The following PTPRQ variants were observed in gnomAD, a reference collection of about 807,000 sequenced individuals.
The protein encoded by PTPRQ is phosphatidylinositol phosphatase PTPRQ.
Under a neutral mutation model 246.0 loss-of-function variants are expected in PTPRQ, and 199 were observed. The observed-to-expected ratio is 0.81, with a 90% CI of 0.72 to 0.91. The LOEUF (loss-of-function observed/expected upper bound fraction) is 0.91. Among genes scored for constraint, PTPRQ ranks in the 40% least tolerant of loss-of-function variants. PTPRQ has a pLI of 0.00. For synonymous variants in PTPRQ, 869 were observed against 853.2 expected, an observed-to-expected ratio of 1.02 and a Z score of -0.32; for missense variants, 2,624 against 2,528.4, an observed-to-expected ratio of 1.04 and a Z score of -0.81.
chr12:80,477,434 T>C (rs1362991894), intron 8 of PTPRQ, among the ~76,000 whole-genome samples: 1 of 152,228 alleles, frequency 6.6e-6, no homozygotes, highest in Admixed American at 6.5e-5. Flanking sequence ...ATTAATTAAT[T>C]TGTTTCAAAC....
chr12:80,531,597 G>A (rs532565394), intron 17 of PTPRQ, among the ~76,000 whole-genome samples: 42 of 152,248 alleles, frequency 2.8e-4, no homozygotes, highest in African/African-American at 1.0e-3. Context: ...CAGCTACTAG[G>A]AAAATGGAGT....
intron 43 of PTPRQ, among the ~76,000 whole-genome samples, chr12:80,678,208 A>G (rs908343075): frequency 1.3e-5 from 2 of 152,234 alleles, no homozygotes; most frequent in African/African-American, 4.8e-5. Context: ...ACAGATTTCA[A>G]AAGTAAATTT....
chr12:80,652,640 T>C, intron 37 of PTPRQ, 104 bp from the exon 38 acceptor site: 1 of 1,212,118 alleles, frequency 8.3e-7, no homozygotes, highest in Non-Finnish European at 1.1e-6. Context: ...GTTTTTAATT[T>C]AAAAATTAAA....
At chr12:80,590,251 G>C (rs1446261801) in intron 26 of PTPRQ, among the ~76,000 whole-genome samples, 1 of 151,984 alleles carries the variant, frequency 6.6e-6, no homozygotes, top group Non-Finnish European at 1.5e-5. Flanking sequence ...TCCTCCATTT[G>C]CATTACTATT....
chr12:80,652,167 C>T (rs1359774877), intron 37 of PTPRQ, among the ~76,000 whole-genome samples: 1 of 152,004 alleles, frequency 6.6e-6, no homozygotes, highest in Non-Finnish European at 1.5e-5. Context: ...TAGATAATAT[C>T]ATAAATTTTC....
chr12:80,573,190 T>TA (rs1367965028), intron 25 of PTPRQ, among the ~76,000 whole-genome samples: 1 of 152,164 alleles, frequency 6.6e-6, no homozygotes, highest in Non-Finnish European at 1.5e-5. Context: ...ACTTTCTTTT[T>TA]AAAAAATTTT....
Position 80,605,154 on chromosome 12 carries a change from A to G in PTPRQ, c.4705A>G (p.Thr1569Ala), listed in dbSNP as rs1898269788. Reference protein sequence around the residue: ...WSEPAVITGPTCYLIDVKSVD... With the variant: ...WSEPAVITGPACYLIDVKSVD... ...TGAACCTGCTGTCATTACTGGACCA[A>G]CATGTTATCTGATTGATGTCAAATC... The change falls in exon 27 of 45, where the codon ACA becomes GCA. Residue 1569 changes from threonine to alanine, a missense_variant. Physicochemically the swap from Thr to Ala is moderately conservative, Grantham distance 58 (BLOSUM62 0). Coordinates refer to ENST00000644991, the MANE Select transcript of PTPRQ (RefSeq NM_001145026.2). 1 of 1,543,050 alleles carries G rather than the reference A, an allele frequency of 6.5e-7. No individual in the cohort carries two copies. The highest frequency in any genetic ancestry group is 8.8e-7 in the Non-Finnish European group (1 of 1,142,210).
intron 25 of PTPRQ, among the ~76,000 whole-genome samples, chr12:80,584,942 TA>T (rs1897562737): frequency 6.6e-6 from 1 of 151,896 alleles, no homozygotes; most frequent in African/African-American, 2.4e-5. Flanking sequence ...TAGGTAAAGA[TA>T]AAACAGAATG....
At chr12:80,588,869 C>T (rs549564875) in intron 26 of PTPRQ, among the ~76,000 whole-genome samples, 2 of 152,302 alleles carry the variant, frequency 1.3e-5, no homozygotes, top group South Asian at 2.1e-4. Flanking sequence ...CACACACACA[C>T]GTGTGACCAC....
intron 8 of PTPRQ, 58 bp from the exon 9 acceptor site, chr12:80,484,375 A>G (rs756616535): frequency 6.7e-5 from 99 of 1,475,628 alleles, no homozygotes; most frequent in Non-Finnish European, 8.4e-5. Context: ...CACTTTTTTC[A>G]CTTGAAAAAA....
chr12:80,459,381 C>T lies in PTPRQ; in HGVS notation c.558C>T (p.Thr186=). ...CTCGGCAACCAAATGGCAAAATTAC[C>T]AGCTTCAAGATTAGTGTCAAGCATG... is the stretch of plus-strand genomic sequence containing the variant. ...YLPRQPNGKI[T]SFKISVKHAR... The change falls in exon 5 of 45, where the codon ACC becomes ACT. Residue 186 remains threonine, a synonymous_variant. Coordinates refer to ENST00000644991, the MANE Select transcript of PTPRQ (RefSeq NM_001145026.2). The T allele has an allele frequency of 5.0e-6, 2 of 398,384 alleles. No homozygotes were observed. The highest frequency in any genetic ancestry group is 8.9e-6 in the Non-Finnish European group (2 of 225,972). The allele number at this position is 398,384 out of a possible 1,614,324, so 24.7% of individuals were successfully genotyped here.
chr12:80,459,623 G>A (rs542588953), intron 5 of PTPRQ, 140 bp downstream of exon 5: 22 of 394,272 alleles, frequency 5.6e-5, no homozygotes, highest in South Asian at 4.3e-4. Flanking sequence ...TATACACAAC[G>A]TTTTATTATT....
At chr12:80,523,726 G>A (rs1895588030) in intron 17 of PTPRQ, among the ~76,000 whole-genome samples, 1 of 152,184 alleles carries the variant, frequency 6.6e-6, no homozygotes. Flanking sequence ...TGTGATCTGA[G>A]AGATAGTTTG....
chr12:80,591,120 CTTTTT>C (rs757029945), intron 26 of PTPRQ, among the ~76,000 whole-genome samples: 28 of 77,386 alleles, frequency 3.6e-4, no homozygotes, highest in Non-Finnish European at 4.1e-4. Flanking sequence ...TTGATCATTG[CTTTTT>C]TTTTTTTTTT....
intron 29 of PTPRQ, among the ~76,000 whole-genome samples, chr12:80,615,998 G>T (rs1414689794): frequency 6.7e-6 from 1 of 150,324 alleles, no homozygotes; most frequent in Non-Finnish European, 1.5e-5. Flanking sequence ...TTATATTCAA[G>T]TGCAAGAAAA....
chr12:80,668,133 A>G (rs890295327), intron 39 of PTPRQ, among the ~76,000 whole-genome samples: 4 of 151,984 alleles, frequency 2.6e-5, no homozygotes, highest in African/African-American at 9.7e-5. Flanking sequence ...TATTCCTTAA[A>G]GCATCTTCCT....
At chr12:80,458,023 T>C (rs1748420812) in intron 4 of PTPRQ, among the ~76,000 whole-genome samples, 1 of 152,118 alleles carries the variant, frequency 6.6e-6, no homozygotes, top group Non-Finnish European at 1.5e-5. Context: ...TATGCAAGTT[T>C]ATATCCTGCC....
chr12:80,619,259 A>G (rs1898883591), intron 30 of PTPRQ, 125 bp from the exon 31 acceptor site: 4 of 1,138,448 alleles, frequency 3.5e-6, no homozygotes, highest in South Asian at 1.8e-5. Flanking sequence ...ACAATTCTCT[A>G]TAATTTGTTA....
chr12:80,648,781 G>A, intron 35 of PTPRQ, 116 bp from the exon 36 acceptor site: 3 of 857,440 alleles, frequency 3.5e-6, no homozygotes, highest in South Asian at 2.9e-5. Context: ...TTAGTTAAAG[G>A]CATAGCACAT....
Sources: allele counts gnomAD v4.1 joint callset (sites outside exome capture counted in the v4.1 genomes callset), GRCh38; gene constraint gnomAD v4.1.1; transcripts MANE v1.5; gene names NCBI Gene and HGNC (gene_info 2026-07-23, HGNC 2026-07-21).